The following LSM12 variants were observed in gnomAD, a reference collection of about 807,000 sequenced individuals.
The protein encoded by LSM12 is LSM12 homolog, also known as protein LSM12.
For missense variants in LSM12, 108 were observed against 238.9 expected, an observed-to-expected ratio of 0.45 and a Z score of 3.61; for synonymous variants, 74 against 87.3, an observed-to-expected ratio of 0.85 and a Z score of 0.85.
chr17:44,059,551 C>CA (rs1567962318), intron 2 of LSM12, among the ~76,000 whole-genome samples: 1 of 151,776 alleles, frequency 6.6e-6, no homozygotes, highest in Non-Finnish European at 1.5e-5. Context: ...GACCCTGTCT[C>CA]AAAAAAAAGA....
chr17:44,054,905 C>G (rs1343228980), intron 2 of LSM12, among the ~76,000 whole-genome samples: 1 of 151,522 alleles, frequency 6.6e-6, no homozygotes, highest in Non-Finnish European at 1.5e-5. Context: ...GTGGTGCAAT[C>G]TCGGCTCACT....
intron 2 of LSM12, among the ~76,000 whole-genome samples, chr17:44,051,255 G>A (rs1371795858): frequency 6.6e-6 from 1 of 151,996 alleles, no homozygotes; most frequent in Non-Finnish European, 1.5e-5. Context: ...AAATTAGCCA[G>A]GCGTGATGGC....
intron 2 of LSM12, among the ~76,000 whole-genome samples, chr17:44,056,573 G>A (rs116585804): frequency 0.014 from 2,173 of 151,922 alleles, 55 homozygotes; most frequent in African/African-American, 0.05. Context: ...TGTGCCTGTG[G>A]TCCCAGCTAC....
intron 2 of LSM12, among the ~76,000 whole-genome samples, chr17:44,046,104 T>C (rs1219338336): frequency 1.3e-5 from 2 of 151,090 alleles, no homozygotes; most frequent in African/African-American, 4.9e-5. Flanking sequence ...GCCCGGATAA[T>C]TTTTGTATTT....
chr17:44,061,163 C>T (rs1347386453), intron 2 of LSM12, among the ~76,000 whole-genome samples: 1 of 151,804 alleles, frequency 6.6e-6, no homozygotes, highest in East Asian at 1.9e-4. Context: ...ACTAAAAATA[C>T]AAAATTAGCT....
In LSM12 at chr17:44,040,115, CA is replaced by C. The variant is rs753200674; in HGVS notation, c.368+31del. 16 of 1,545,978 alleles carry C rather than the reference CA, an allele frequency of 1.0e-5. 1 individual carries two copies. The highest frequency in any genetic ancestry group is 1.4e-5 in the Non-Finnish European group (16 of 1,120,638). On this transcript the variant is annotated intron_variant, in intron 3 of 4. Coordinates refer to ENST00000293406, the MANE Select transcript of LSM12 (RefSeq NM_001371445.1). ...ACAGCACAACCAGGTAGCATTACCCCAGGACAAAGGACCTCTCCGATCCCAA... is the reference window on the plus strand; with the variant it reads ...ACAGCACAACCAGGTAGCATTACCCCGGACAAAGGACCTCTCCGATCCCAA...
Position 44,034,354 on chromosome 17 carries a change from C to T in LSM12, c.*1854G>A, listed in dbSNP as rs539228221. On this transcript the variant is annotated 3_prime_UTR_variant, in exon 5 of 5. Transcript: ENST00000293406. ...CAGGTGGATCTGAAAGTTTACTTCT[C>T]AGCTCGCCGACCATTTGTGCCTCCA... 1.3e-5 allele frequency among the ~76,000 whole-genome samples: 2 copies of T among 152,260 alleles called. No homozygotes were observed. The highest frequency in any genetic ancestry group is 4.1e-4 in the South Asian group (2 of 4,826).
chr17:44,041,298 C>T (rs1409788055), intron 2 of LSM12, among the ~76,000 whole-genome samples: 2 of 121,158 alleles, frequency 1.7e-5, no homozygotes, highest in South Asian at 2.9e-4. Context: ...CAAACACACA[C>T]ACACACACAC....
chr17:44,039,213 C>T (rs930670265), intron 3 of LSM12, among the ~76,000 whole-genome samples: 1 of 152,018 alleles, frequency 6.6e-6, no homozygotes, highest in Non-Finnish European at 1.5e-5. Context: ...CACCACCACG[C>T]CTGGCTAATT....
chr17:44,041,291 ACACAC>A (rs2049487623), intron 2 of LSM12, among the ~76,000 whole-genome samples: 5 of 74,200 alleles, frequency 6.7e-5, no homozygotes, highest in African/African-American at 2.1e-4. Flanking sequence ...AAAAAAACAA[ACACAC>A]ACACACACAC....
At chr17:44,044,113 T>C (rs1268297422) in intron 2 of LSM12, among the ~76,000 whole-genome samples, 1 of 152,030 alleles carries the variant, frequency 6.6e-6, no homozygotes, top group African/African-American at 2.4e-5. Flanking sequence ...CCCCATTTAG[T>C]AAGAGACAAG....
At chr17:44,063,143 C>G (rs2144115641) in intron 2 of LSM12, among the ~76,000 whole-genome samples, 1 of 152,062 alleles carries the variant, frequency 6.6e-6, no homozygotes, top group South Asian at 2.1e-4. Context: ...GCATGTAATC[C>G]CAGCTACTCA....
At chr17:44,046,329 T>C (rs1398211858) in intron 2 of LSM12, among the ~76,000 whole-genome samples, 2 of 152,190 alleles carry the variant, frequency 1.3e-5, no homozygotes, top group Non-Finnish European at 2.9e-5. Context: ...GGTAGATAAC[T>C]AAGAGTAGAA....
At chr17:44,049,899 A>G (rs1395274047) in intron 2 of LSM12, among the ~76,000 whole-genome samples, 1 of 152,084 alleles carries the variant, frequency 6.6e-6, no homozygotes, top group Non-Finnish European at 1.5e-5. Context: ...TTCTCTGTGT[A>G]TTTGGGTCTT....
intron 2 of LSM12, among the ~76,000 whole-genome samples, chr17:44,040,845 C>T (rs1251020219): frequency 2.0e-5 from 3 of 149,848 alleles, no homozygotes; most frequent in East Asian, 1.9e-4. Context: ...ATTAGCCAGG[C>T]GTGGTGGCGG....
At chr17:44,065,483 C>CA (rs1413557281) in intron 1 of LSM12, among the ~76,000 whole-genome samples, 2 of 147,728 alleles carry the variant, frequency 1.4e-5, no homozygotes, top group Non-Finnish European at 1.5e-5. Context: ...ATTACTCCTC[C>CA]AAAAAAAAAT....
At chr17:44,050,706 A>G (rs531369865) in intron 2 of LSM12, among the ~76,000 whole-genome samples, 168 of 152,046 alleles carry the variant, frequency 1.1e-3, no homozygotes, top group African/African-American at 3.8e-3. Flanking sequence ...TTTTGAGAAG[A>G]GATGGGGTTT....
At position 44,061,875 on chromosome 17, in the gene LSM12, G is replaced by A. The variant is rs117988094; in HGVS notation, c.258+1926C>T. Among the ~76,000 whole-genome samples the A allele has an allele frequency of 6.1e-4, 93 of 152,212 alleles. 2 individuals carry two copies. The East Asian group carries it at 0.015, about 25-fold the overall frequency. On this transcript the variant is annotated intron_variant, in intron 2 of 4. Transcript: ENST00000293406. ...TGTATATTCAATAGTAAATAAAATA[G>A]GTATGGTCCCCATCCCTGCAGAATA...
intron 3 of LSM12, among the ~76,000 whole-genome samples, chr17:44,039,565 T>C (rs1002767520): frequency 1.6e-4 from 24 of 148,988 alleles, no homozygotes; most frequent in African/African-American, 6.0e-4. Flanking sequence ...GTATTTTTAG[T>C]AGAGACGGGG....
Sources: allele counts gnomAD v4.1 joint callset (sites outside exome capture counted in the v4.1 genomes callset), GRCh38; gene constraint gnomAD v4.1.1; transcripts MANE v1.5; gene names NCBI Gene and HGNC (gene_info 2026-07-23, HGNC 2026-07-21).